Variants in TTC8 observed in about 807,000 individuals in gnomAD.
TTC8 encodes the protein tetratricopeptide repeat domain 8.
TTC8 carries 47 observed loss-of-function variants against 72.5 expected under a neutral mutation model. That is an observed-to-expected ratio of 0.65 (90% CI 0.51 to 0.83). The LOEUF is 0.83. Among genes scored for constraint, TTC8 ranks in the 40% least tolerant of loss-of-function variants. The probability of loss-of-function intolerance (pLI) is 0.00; values close to 1 mark genes in which losing one functional copy is unlikely to be tolerated. For synonymous variants in TTC8, 199 were observed against 221.4 expected, an observed-to-expected ratio of 0.90 and a Z score of 0.90; for missense variants, 611 against 623.2, an observed-to-expected ratio of 0.98 and a Z score of 0.21.
intron 1 of TTC8, 136 bp downstream of exon 1, chr14:88,824,957 G>A: frequency 1.3e-6 from 1 of 792,142 alleles, no homozygotes; most frequent in East Asian, 2.7e-5. Flanking sequence ...GGAGGCGCCC[G>A]GAGCGAGACC....
chr14:88,852,897 A>C, intron 7 of TTC8, 74 bp from the exon 8 acceptor site: 1 of 1,247,836 alleles, frequency 8.0e-7, no homozygotes, highest in Non-Finnish European at 1.2e-6. Flanking sequence ...TATATGGTCT[A>C]TTTCATTATT....
intron 10 of TTC8, among the ~76,000 whole-genome samples, chr14:88,869,293 A>G (rs997960651): frequency 6.6e-5 from 10 of 152,222 alleles, no homozygotes; most frequent in African/African-American, 2.2e-4. Context: ...GAAAGAATAT[A>G]TAATAACTGT....
At chr14:88,862,277 A>G (rs2094889340) in intron 10 of TTC8, among the ~76,000 whole-genome samples, 1 of 151,676 alleles carries the variant, frequency 6.6e-6, no homozygotes, top group South Asian at 2.1e-4. Context: ...GGCCATTTGT[A>G]TGTCTTCTTT....
chr14:88,862,522 TTCTC>T (rs1262811355), intron 10 of TTC8, among the ~76,000 whole-genome samples: 1 of 88,778 alleles, frequency 1.1e-5, no homozygotes, highest in African/African-American at 4.1e-5. Flanking sequence ...TTACATTCCA[TTCTC>T]TCTCTCTCTC....
intron 3 of TTC8, 156 bp from the exon 4 acceptor site, chr14:88,840,709 A>G (rs2094776106): frequency 1.4e-6 from 1 of 733,172 alleles, no homozygotes; most frequent in Non-Finnish European, 2.4e-6. Flanking sequence ...ATAGGTACTC[A>G]TTAAATATTA....
Position 88,860,730 on chromosome 14 carries a change from G to A in TTC8, c.799-492G>A, listed in dbSNP as rs191056302. Among the ~76,000 whole-genome samples, 285 of 152,130 alleles carry A rather than the reference G, an allele frequency of 1.9e-3. 3 individuals are homozygous for A. The highest frequency in any genetic ancestry group is 6.5e-3 in the African/African-American group (270 of 41,524). On this transcript the variant is annotated intron_variant, in intron 9 of 14. Transcript: ENST00000380656. ...GAGAATAAATGAATGAATGCTTTAT[G>A]TATAACATGTGGAGATAAAACTATA...
In TTC8 at chr14:88,872,407, C is replaced by G; in HGVS notation, c.1302C>G (p.Tyr434Ter). 1 of 1,614,044 alleles carries G rather than the reference C, an allele frequency of 6.2e-7. No homozygotes were observed. Among genetic ancestry groups the G allele is most frequent in the Non-Finnish European group, 8.5e-7 (1 of 1,179,950 alleles). The change falls in exon 13 of 15, where the codon TAC (tyrosine) becomes TAG (stop). Residue 434 changes from tyrosine (Y) to a stop codon, truncating the protein, a stop_gained. Coordinates refer to ENST00000380656, the MANE Select transcript of TTC8 (RefSeq NM_144596.4). LOFTEE classifies it high-confidence loss of function. ...LVNNNNHAEA[Y>*]NNLAVLEMRK... The stretch of plus-strand genomic sequence containing the variant: ...ACAACAACAACCACGCCGAGGCCTA[C>G]AACAACCTGGCTGTGCTGGAGATGC...
chr14:88,878,505 G>A (rs1307367142), downstream of TTC8: 1 of 152,126 alleles, frequency 6.6e-6, no homozygotes, highest in Non-Finnish European at 1.5e-5. Flanking sequence ...TGAATTCAAG[G>A]AATGATAGCT....
At chr14:88,833,824 G>A in intron 2 of TTC8, 102 bp downstream of exon 2, 1 of 1,059,106 alleles carries the variant, frequency 9.4e-7, no homozygotes. Context: ...TCTTCCTGTG[G>A]GTTTATAAAA....
rs573333326 is a variant in TTC8, at chr14:88,867,799, A to G, written c.910-2260A>G. On this transcript the variant is annotated intron_variant, in intron 10 of 14. Transcript: ENST00000380656. ...CCCAAAGTCTTGAACCAACTGGCTT[A>G]TTGAGGCTTGAGCCTTCTTTGCATT... Among the ~76,000 whole-genome samples the G allele has an allele frequency of 3.9e-5, 6 of 152,352 alleles. No individual in the cohort carries two copies. In the South Asian group the frequency reaches 1.0e-3, roughly 26 times the overall value.
chr14:88,865,609 G>A (rs746100708), intron 10 of TTC8, among the ~76,000 whole-genome samples: 13 of 151,840 alleles, frequency 8.6e-5, no homozygotes, highest in Non-Finnish European at 1.6e-4. Flanking sequence ...CAGAGGTTGC[G>A]GTAAGCCAAG....
intron 9 of TTC8, among the ~76,000 whole-genome samples, chr14:88,857,617 G>A (rs2094862911): frequency 6.6e-6 from 1 of 152,170 alleles, no homozygotes; most frequent in South Asian, 2.1e-4. Context: ...GCAGGTAGTA[G>A]AGAACAGGGA....
intron 7 of TTC8, among the ~76,000 whole-genome samples, chr14:88,850,567 C>A (rs2140995192): frequency 6.6e-6 from 1 of 152,242 alleles, no homozygotes; most frequent in South Asian, 2.1e-4. Context: ...GTGGCACATA[C>A]CTGTAATCCC....
chr14:88,877,143 TATG>T, intron 14 of TTC8, 148 bp from the exon 15 acceptor site: 1 of 639,804 alleles, frequency 1.6e-6, no homozygotes, highest in African/African-American at 1.8e-5. Context: ...CCCTTTGAGT[TATG>T]ATGTTAGTTG....
At chr14:88,831,517 C>A (rs2094725980) in intron 1 of TTC8, among the ~76,000 whole-genome samples, 1 of 152,208 alleles carries the variant, frequency 6.6e-6, no homozygotes, top group Non-Finnish European at 1.5e-5. Flanking sequence ...GAGCCAAGAA[C>A]CCTCCTGGGC....
chr14:88,865,756 TA>T (rs1487630867), intron 10 of TTC8, among the ~76,000 whole-genome samples: 42 of 152,252 alleles, frequency 2.8e-4, no homozygotes, highest in African/African-American at 1.0e-3. Flanking sequence ...AAATAACCAC[TA>T]AAAATCACTT....
In TTC8 at chr14:88,871,714, T is replaced by G. The variant is rs753212470; in HGVS notation, c.1215T>G (p.His405Gln). Reference protein sequence around the residue: ...EAADVWYNLGHVAVGIGDTNL... With the variant: ...EAADVWYNLGQVAVGIGDTNL... The stretch of plus-strand genomic sequence containing the variant: ...CTGATGTCTGGTACAACTTGGGACA[T>G]GTAGCTGTGGTATGTTGTCTTACTG... The change falls in exon 12 of 15, where the codon CAT (histidine) becomes CAG (glutamine). Residue 405 changes from histidine (H) to glutamine (Q), a missense_variant. Physicochemically the swap from His to Gln is conservative, Grantham distance 24. Coordinates refer to ENST00000380656, the MANE Select transcript of TTC8 (RefSeq NM_144596.4). This position sits in a 1 kb window ranked among gnomAD's most constrained non-coding sequence, Gnocchi z 4.1. 33 of 1,613,970 alleles carry G rather than the reference T, an allele frequency of 2.0e-5. No individual in the cohort carries two copies. Among genetic ancestry groups the G allele is most frequent in the Non-Finnish European group, 2.5e-5 (30 of 1,179,976 alleles).
intron 7 of TTC8, among the ~76,000 whole-genome samples, chr14:88,849,181 TG>T (rs1566842951): frequency 6.6e-6 from 1 of 152,176 alleles, no homozygotes. Context: ...GGTACTTTGA[TG>T]GGTGCTAGGG....
intron 8 of TTC8, among the ~76,000 whole-genome samples, chr14:88,855,194 A>G (rs142763343): frequency 1.3e-5 from 2 of 152,202 alleles, no homozygotes; most frequent in East Asian, 3.9e-4. Flanking sequence ...TTCCTGATTG[A>G]CCATAATATG....
Sources: allele counts gnomAD v4.1 joint callset (sites outside exome capture counted in the v4.1 genomes callset), GRCh38; gene constraint gnomAD v4.1.1; non-coding constraint Gnocchi (gnomAD v3.1); transcripts MANE v1.5; gene names NCBI Gene and HGNC (gene_info 2026-07-23, HGNC 2026-07-21).